The following SSBP2 variants were observed in gnomAD, a reference collection of about 807,000 sequenced individuals.
The protein encoded by SSBP2 is single stranded DNA binding protein 2.
SSBP2 carries 17 observed loss-of-function variants against 61.8 expected under a neutral mutation model. The ratio of observed to expected loss-of-function variants is 0.28; its 90% confidence interval spans 0.19 to 0.41. The LOEUF is 0.41. Ranked by LOEUF, SSBP2 falls within the 10% of genes least tolerant of loss-of-function variation. The pLI is 1.00. For missense variants in SSBP2, 310 were observed against 458.7 expected (o/e 0.68, Z 2.96); for synonymous variants, 139 against 141.3 (o/e 0.98, Z 0.12).
intron 4 of SSBP2, among the ~76,000 whole-genome samples, chr5:81,602,298 G>C: frequency 6.6e-6 from 1 of 152,166 alleles, no homozygotes; most frequent in Middle Eastern, 3.4e-3. Flanking sequence ...AGGTTTCTAC[G>C]CATCAATTTA....
At chr5:81,645,831 T>G (rs1033872550) in intron 2 of SSBP2, among the ~76,000 whole-genome samples, 6 of 152,156 alleles carry the variant, frequency 3.9e-5, no homozygotes, top group African/African-American at 1.4e-4. Flanking sequence ...TAAACTACAT[T>G]TTGGATTCAG....
At chr5:81,662,835 C>A (rs1763903852) in intron 1 of SSBP2, among the ~76,000 whole-genome samples, 1 of 151,958 alleles carries the variant, frequency 6.6e-6, no homozygotes, top group Non-Finnish European at 1.5e-5. Context: ...AAGAAAATTA[C>A]AACTTCTAAG....
At chr5:81,486,782 T>G (rs938667205) in intron 6 of SSBP2, among the ~76,000 whole-genome samples, 4 of 152,198 alleles carry the variant, frequency 2.6e-5, no homozygotes, top group African/African-American at 9.6e-5. Context: ...TGCCCCGATG[T>G]ACTGAATTCA....
intron 1 of SSBP2, among the ~76,000 whole-genome samples, chr5:81,707,924 C>A (rs35402816): frequency 6.6e-6 from 1 of 152,104 alleles, no homozygotes; most frequent in Non-Finnish European, 1.5e-5. Context: ...TTACTTAACA[C>A]ACGTTGCTTT....
At chr5:81,618,470 A>G (rs1746275978) in intron 3 of SSBP2, among the ~76,000 whole-genome samples, 1 of 15,992 alleles carries the variant, frequency 6.3e-5, no homozygotes, top group African/African-American at 1.9e-4. Context: ...TGAGTGACCT[A>G]CAAAGAGACT....
At chr5:81,715,188 A>G (rs1011113291) in intron 1 of SSBP2, among the ~76,000 whole-genome samples, 1 of 152,174 alleles carries the variant, frequency 6.6e-6, no homozygotes, top group East Asian at 1.9e-4. Context: ...AGACAAAATC[A>G]AAAGAACTAA....
At chr5:81,745,027 T>C (rs1031122326) in intron 1 of SSBP2, among the ~76,000 whole-genome samples, 1 of 152,148 alleles carries the variant, frequency 6.6e-6, no homozygotes, top group African/African-American at 2.4e-5. Flanking sequence ...AACAGTTCCA[T>C]TTTTCAAAAA....
intron 6 of SSBP2, among the ~76,000 whole-genome samples, chr5:81,486,637 A>G (rs571901985): frequency 6.6e-6 from 1 of 152,316 alleles, no homozygotes; most frequent in Non-Finnish European, 1.5e-5. Context: ...AAGAAATTTA[A>G]AAGACTCAGG....
At chr5:81,708,695 C>G (rs1561714780) in intron 1 of SSBP2, among the ~76,000 whole-genome samples, 1 of 151,940 alleles carries the variant, frequency 6.6e-6, no homozygotes, top group Admixed American at 6.6e-5. Context: ...AAAATGTACC[C>G]TTTCTTCTTT....
At chr5:81,742,053 C>A (rs1344538771) in intron 1 of SSBP2, among the ~76,000 whole-genome samples, 1 of 152,062 alleles carries the variant, frequency 6.6e-6, no homozygotes, top group African/African-American at 2.4e-5. Context: ...TCTGTATTAC[C>A]CTAGCTGCAT....
At position 81,613,390 on chromosome 5, in the gene SSBP2, T is replaced by C. The variant is rs573490493; in HGVS notation, c.282+2083A>G. The stretch of plus-strand genomic sequence containing the variant: ...TGCTCATTTCCAAAACCTATTTAAG[T>C]GTATTTCTAAAGCTAATAAGTGTGA... On this transcript the variant is annotated intron_variant, in intron 4 of 16. Transcript: ENST00000320672. Among the ~76,000 whole-genome samples the C allele has an allele frequency of 3.9e-5, 6 of 152,298 alleles. No individual in the cohort carries two copies. In the South Asian group the frequency reaches 1.0e-3, roughly 26 times the overall value.
chr5:81,425,960 C>G (rs1317214391), intron 16 of SSBP2, among the ~76,000 whole-genome samples: 1 of 152,150 alleles, frequency 6.6e-6, no homozygotes, highest in African/African-American at 2.4e-5. Context: ...AAGATAAAAC[C>G]TGACAGATCC....
At chr5:81,644,479 G>A (rs1749088008) in intron 2 of SSBP2, among the ~76,000 whole-genome samples, 1 of 152,172 alleles carries the variant, frequency 6.6e-6, no homozygotes, top group Admixed American at 6.5e-5. Context: ...AAGATAGAAG[G>A]CAAAGGCATG....
chr5:81,498,636 C>T (rs138642545), intron 5 of SSBP2, among the ~76,000 whole-genome samples: 1 of 151,892 alleles, frequency 6.6e-6, no homozygotes, highest in East Asian at 1.9e-4. Flanking sequence ...TCATGATGTG[C>T]CCTTTTTTAG....
chr5:81,579,133 G>C (rs968080278), intron 4 of SSBP2, among the ~76,000 whole-genome samples: 1 of 151,974 alleles, frequency 6.6e-6, no homozygotes, highest in Non-Finnish European at 1.5e-5. Flanking sequence ...GATGAAGAGG[G>C]GGTTGAGTCA....
rs895841808 is a variant in SSBP2 at position 81,419,081 on chromosome 5, T to C, written c.*1423A>G. ...ATTGTGATTTTGGTGTATGTATGTA[T>C]AATTAAGCACAAAATCCCAAAAGAT... is the stretch of plus-strand genomic sequence containing the variant. On this transcript the variant is annotated 3_prime_UTR_variant, in exon 17 of 17. Coordinates refer to ENST00000320672, the MANE Select transcript of SSBP2 (RefSeq NM_012446.5). 2 of 152,214 alleles carry C rather than the reference T, an allele frequency of 1.3e-5. No homozygotes were observed. The highest frequency in any genetic ancestry group is 4.8e-5 in the African/African-American group (2 of 41,450). The allele number at this position is 152,214 out of a possible 1,614,324, so 9.4% of individuals were successfully genotyped here.
chr5:81,427,867 G>A (rs1463399788), intron 16 of SSBP2, among the ~76,000 whole-genome samples: 2 of 152,024 alleles, frequency 1.3e-5, no homozygotes, highest in African/African-American at 4.8e-5. Flanking sequence ...GGAGAGTTCT[G>A]GGAAACTGTA....
At chr5:81,612,529 T>C (rs1745552715) in intron 4 of SSBP2, among the ~76,000 whole-genome samples, 1 of 152,128 alleles carries the variant, frequency 6.6e-6, no homozygotes, top group Non-Finnish European at 1.5e-5. Context: ...CATTTTGGCC[T>C]ATTTTAAATT....
intron 8 of SSBP2, among the ~76,000 whole-genome samples, chr5:81,470,586 G>C (rs1452134396): frequency 6.6e-6 from 1 of 151,746 alleles, no homozygotes; most frequent in Non-Finnish European, 1.5e-5. Flanking sequence ...TTTGTTTTAG[G>C]AATTCAGTTG....
Sources: gnomAD v4.1 joint callset for allele counts (sites outside exome capture counted in the v4.1 genomes callset) on GRCh38, gnomAD v4.1.1 for gene constraint, MANE v1.5 for transcripts, NCBI Gene and HGNC (gene_info 2026-07-23, HGNC 2026-07-21) for gene names.